ZBTB40: variants seen among roughly 807,000 people sequenced by gnomAD.
ZBTB40 encodes the protein zinc finger and BTB domain containing 40, also known as zinc finger and BTB domain-containing protein 40.
In ZBTB40, 60 loss-of-function variants were observed where a neutral mutation model predicts 117.5. That is an observed-to-expected ratio of 0.51 (90% CI 0.41 to 0.63). The LOEUF (loss-of-function observed/expected upper bound fraction) is 0.63, where lower values mean the gene tolerates loss of function less well. ZBTB40 is among the 30% of genes least tolerant of loss of function. The pLI, the probability that ZBTB40 is intolerant of heterozygous loss-of-function variation, is 0.00. For missense variants in ZBTB40, 1,287 were observed against 1,498.5 expected, an observed-to-expected ratio of 0.86 and a Z score of 2.33; for synonymous variants, 525 against 577.1, an observed-to-expected ratio of 0.91 and a Z score of 1.29.
At chr1:22,471,330 TG>T (rs1050514813) in intron 1 of ZBTB40, among the ~76,000 whole-genome samples, 3 of 152,296 alleles carry the variant, frequency 2.0e-5, no homozygotes, top group African/African-American at 7.2e-5. Flanking sequence ...TCTCTGCCTG[TG>T]AGGGATTGGG....
chr1:22,517,085 A>G (rs779855502), intron 12 of ZBTB40, among the ~76,000 whole-genome samples: 1 of 152,128 alleles, frequency 6.6e-6, no homozygotes, highest in Non-Finnish European at 1.5e-5. Flanking sequence ...TCCTTTGTCC[A>G]ACCACACTCG....
At chr1:22,440,484 A>C (rs915020084) in intron 1 of ZBTB40, among the ~76,000 whole-genome samples, 3 of 152,214 alleles carry the variant, frequency 2.0e-5, no homozygotes, top group Admixed American at 1.3e-4. Context: ...AAACACAAAC[A>C]AAACAAGTAA....
chr1:22,505,327 T>C (rs1639048658), intron 5 of ZBTB40, among the ~76,000 whole-genome samples: 3 of 152,224 alleles, frequency 2.0e-5, no homozygotes, highest in Non-Finnish European at 4.4e-5. Context: ...GTAAAATATC[T>C]GTCACATGTT....
chr1:22,522,945 CTTTTTTT>C (rs34232963), intron 16 of ZBTB40, among the ~76,000 whole-genome samples: 1 of 93,910 alleles, frequency 1.1e-5, no homozygotes, highest in Non-Finnish European at 2.1e-5. Flanking sequence ...TAAGATGTAC[CTTTTTTT>C]TTTTTTTTTT....
chr1:22,463,276 G>A (rs1217934948), intron 1 of ZBTB40, among the ~76,000 whole-genome samples: 1 of 152,152 alleles, frequency 6.6e-6, no homozygotes, highest in Non-Finnish European at 1.5e-5. Context: ...TGCCTGGTGT[G>A]TTACTCTTTA....
chr1:22,516,668 C>T (rs935866831), intron 12 of ZBTB40, among the ~76,000 whole-genome samples: 2 of 152,164 alleles, frequency 1.3e-5, no homozygotes, highest in African/African-American at 4.8e-5. Flanking sequence ...TCACCAATTG[C>T]CCTGCTTGCT....
rs1440547587 is a variant in ZBTB40 at position 22,520,060 on chromosome 1, G to A, written c.2834-1G>A. The A allele has an allele frequency of 6.2e-7, 1 of 1,614,006 alleles. No homozygotes were observed. Among genetic ancestry groups the A allele is most frequent in the Non-Finnish European group, 8.5e-7 (1 of 1,180,000 alleles). On this transcript the variant is annotated splice_acceptor_variant, in intron 13 of 17. Coordinates refer to ENST00000375647, the MANE Select transcript of ZBTB40 (RefSeq NM_014870.4). LOFTEE classifies it high-confidence loss of function. The stretch of plus-strand genomic sequence containing the variant: ...CTCTCATGGATGTCCCGTGAAACTA[G>A]ACATAGAAGATCCTTATGACTGCAA...
intron 3 of ZBTB40, among the ~76,000 whole-genome samples, chr1:22,498,973 A>G (rs1422469169): frequency 1.3e-5 from 2 of 152,244 alleles, no homozygotes; most frequent in Non-Finnish European, 2.9e-5. Context: ...TCTAAAATCT[A>G]GCAACTTCAA....
intron 1 of ZBTB40, among the ~76,000 whole-genome samples, chr1:22,472,138 G>A (rs1356463433): frequency 2.0e-5 from 3 of 152,220 alleles, no homozygotes; most frequent in South Asian, 4.1e-4. Context: ...GGCCATTTGA[G>A]GCCCTCGAGA....
At position 22,513,782 on chromosome 1, in the gene ZBTB40, A is replaced by G. The variant is rs572414920; in HGVS notation, c.2668+652A>G. 1.2e-3 allele frequency among the ~76,000 whole-genome samples: 190 copies of G among 152,360 alleles called. No individual in the cohort carries two copies. The highest frequency in any genetic ancestry group is 2.9e-3 in the Admixed American group (45 of 15,304). Reference sequence around the variant, plus strand: ...CAGACGACTGGGAATAGCTCTGTGCACAGACGTAAACTGCTTACTGGGAGA... The same window carrying G: ...CAGACGACTGGGAATAGCTCTGTGCGCAGACGTAAACTGCTTACTGGGAGA... On this transcript the variant is annotated intron_variant, in intron 12 of 17. Coordinates refer to ENST00000375647, the MANE Select transcript of ZBTB40 (RefSeq NM_014870.4). The surrounding 1 kb of genome is among the most constrained non-coding windows in gnomAD (Gnocchi z 4.9).
intron 17 of ZBTB40, among the ~76,000 whole-genome samples, chr1:22,524,751 G>A (rs998064156): frequency 2.6e-5 from 4 of 152,188 alleles, no homozygotes; most frequent in East Asian, 1.9e-4. Context: ...GGGAAACCTC[G>A]GAGACAGAGG....
At position 22,512,952 on chromosome 1, in the gene ZBTB40, C is replaced by T. The variant is rs1219265534; in HGVS notation, c.2490C>T (p.His830=). ...SGMQYHKLTE[H]FDEKPFSCEE... Reference sequence around the variant, plus strand: ...TGCAGTACCATAAGCTGACAGAGCACTTCGATGAGAAGCCTTTCTCCTGTG... The same window carrying T: ...TGCAGTACCATAAGCTGACAGAGCATTTCGATGAGAAGCCTTTCTCCTGTG... The change falls in exon 12 of 18, where the codon CAC becomes CAT. Residue 830 remains histidine, a synonymous_variant. Transcript: ENST00000375647. 3 of 1,614,240 alleles carry T rather than the reference C, an allele frequency of 1.9e-6. No homozygotes were observed. Among genetic ancestry groups the T allele is most frequent in the Non-Finnish European group, 2.5e-6 (3 of 1,180,042 alleles).
At chr1:22,432,022 C>A (rs1478737191) in intron 1 of ZBTB40, among the ~76,000 whole-genome samples, 1 of 152,012 alleles carries the variant, frequency 6.6e-6, no homozygotes, top group Non-Finnish European at 1.5e-5. Flanking sequence ...TTTATTCTTG[C>A]ATAGTTCTGG....
At chr1:22,515,782 A>G (rs1639358944) in intron 12 of ZBTB40, among the ~76,000 whole-genome samples, 1 of 152,216 alleles carries the variant, frequency 6.6e-6, no homozygotes, top group Non-Finnish European at 1.5e-5. Flanking sequence ...TAGGACATGG[A>G]CATCTTTGGG....
chr1:22,504,115 T>C (rs189057965), intron 5 of ZBTB40, among the ~76,000 whole-genome samples: 5 of 152,356 alleles, frequency 3.3e-5, no homozygotes, highest in African/African-American at 1.2e-4. Context: ...TGATTCCTTC[T>C]CATGAAAGTT....
chr1:22,514,227 T>A (rs1432605495), intron 12 of ZBTB40, among the ~76,000 whole-genome samples: 1 of 152,232 alleles, frequency 6.6e-6, no homozygotes, highest in African/African-American at 2.4e-5. Context: ...CATTTCTTTA[T>A]AAATTATAAG....
intron 16 of ZBTB40, among the ~76,000 whole-genome samples, chr1:22,523,702 T>G (rs915116888): frequency 4.6e-5 from 7 of 152,226 alleles, no homozygotes; most frequent in Admixed American, 2.0e-4. Flanking sequence ...GTTAAAAACG[T>G]GCACCATTCC....
At chr1:22,431,380 G>GTATATATATATATATATATA (rs1299801234) in intron 1 of ZBTB40, among the ~76,000 whole-genome samples, 1 of 15,240 alleles carries the variant, frequency 6.6e-5, no homozygotes, top group African/African-American at 1.1e-4. Flanking sequence ...GTGTGTGTGT[G>GTATATATATATATATATATA]TGTGTATATA....
chr1:22,517,706 AC>A, intron 13 of ZBTB40: 1 of 508,672 alleles, frequency 2.0e-6, no homozygotes, highest in South Asian at 3.5e-5. Context: ...TTTTTAGCCC[AC>A]CTGGCACCAT....
Sources: allele counts gnomAD v4.1 joint callset (sites outside exome capture counted in the v4.1 genomes callset), GRCh38; gene constraint gnomAD v4.1.1; non-coding constraint Gnocchi (gnomAD v3.1); transcripts MANE v1.5; gene names NCBI Gene and HGNC (gene_info 2026-07-23, HGNC 2026-07-21).